Variants in SPMIP7 observed in about 807,000 individuals in gnomAD.
The protein encoded by SPMIP7 is protein SPMIP7.
the SPMIP7 span, chr7:50,096,576 A>G: frequency 6.4e-7 from 1 of 1,551,986 alleles, no homozygotes; most frequent in South Asian, 1.2e-5. Flanking sequence ...GAAGAACTGC[A>G]ACAGAACAGG....
At chr7:50,100,171 G>A in the SPMIP7 span, among the ~76,000 whole-genome samples, 1 of 152,258 alleles carries the variant, frequency 6.6e-6, no homozygotes, top group African/African-American at 2.4e-5. Context: ...CAGTCCTCTG[G>A]GGAGCTCCCT....
At chr7:50,123,878 T>C in the SPMIP7 span, among the ~76,000 whole-genome samples, 1 of 152,054 alleles carries the variant, frequency 6.6e-6, no homozygotes, top group Non-Finnish European at 1.5e-5. Context: ...TTAATCCAAA[T>C]ATATCATAAT....
At chr7:50,134,145 C>T in the SPMIP7 span, 3 of 1,550,388 alleles carry the variant, frequency 1.9e-6, no homozygotes, top group Non-Finnish European at 1.7e-6. Context: ...GATGCTACCA[C>T]CAAAACTTGT....
At chr7:50,149,331 T>C in the SPMIP7 span, among the ~76,000 whole-genome samples, 1 of 152,266 alleles carries the variant, frequency 6.6e-6, no homozygotes, top group African/African-American at 2.4e-5. Flanking sequence ...TTTAAATTAC[T>C]GTATTTCAAC....
chr7:50,154,140 C>A, the SPMIP7 span, among the ~76,000 whole-genome samples: 1 of 152,082 alleles, frequency 6.6e-6, no homozygotes, highest in African/African-American at 2.4e-5. Context: ...ATCCTAACAA[C>A]ATGATATTAT....
the SPMIP7 span, among the ~76,000 whole-genome samples, chr7:50,136,873 A>G: frequency 3.3e-5 from 5 of 152,176 alleles, no homozygotes; most frequent in Non-Finnish European, 7.4e-5. Flanking sequence ...ATTTTTGAAT[A>G]TTTTATGTAC....
chr7:50,145,783 C>T, the SPMIP7 span, among the ~76,000 whole-genome samples: 1 of 150,618 alleles, frequency 6.6e-6, no homozygotes, highest in Non-Finnish European at 1.5e-5. Context: ...AGCAGCACAG[C>T]CCATGCCTTC....
chr7:50,122,852 C>G, the SPMIP7 span, among the ~76,000 whole-genome samples: 1 of 152,164 alleles, frequency 6.6e-6, no homozygotes, highest in Admixed American at 6.5e-5. Context: ...AAATGCAAAT[C>G]AAAACCACAA....
At chr7:50,096,630 G>T in the SPMIP7 span, 1 of 1,536,344 alleles carries the variant, frequency 6.5e-7, no homozygotes, top group Non-Finnish European at 8.8e-7. Context: ...ATCAGAGCAA[G>T]ACTTGGAGGT....
chr7:50,137,926 A>G, the SPMIP7 span, among the ~76,000 whole-genome samples: 1 of 152,136 alleles, frequency 6.6e-6, no homozygotes, highest in African/African-American at 2.4e-5. Context: ...GAATCAAAGT[A>G]TCCCCTTCTA....
the SPMIP7 span, chr7:50,141,971 G>T: frequency 6.6e-6 from 1 of 152,090 alleles, no homozygotes; most frequent in South Asian, 2.1e-4. Flanking sequence ...CCTGTGATCC[G>T]CCCGCCTCGG....
At chr7:50,151,178 T>C in the SPMIP7 span, among the ~76,000 whole-genome samples, 1 of 152,164 alleles carries the variant, frequency 6.6e-6, no homozygotes, top group Admixed American at 6.5e-5. Flanking sequence ...GTAAAAGACA[T>C]GGAAATTTAA....
chr7:50,125,113 T>TAC, the SPMIP7 span, among the ~76,000 whole-genome samples: 6 of 29,280 alleles, frequency 2.0e-4, 1 homozygote, highest in African/African-American at 2.4e-4. Flanking sequence ...TATATATATA[T>TAC]ATACACACAC....
At chr7:50,154,729 T>TTTCATTC in the SPMIP7 span, among the ~76,000 whole-genome samples, 1 of 152,360 alleles carries the variant, frequency 6.6e-6, no homozygotes, top group South Asian at 2.1e-4. Context: ...TTTGAGTGTA[T>TTTCATTC]CTCCAGAGAA....
the SPMIP7 span, among the ~76,000 whole-genome samples, chr7:50,145,467 A>G: frequency 6.7e-6 from 1 of 149,736 alleles, no homozygotes; most frequent in Non-Finnish European, 1.5e-5. Context: ...AATCATCTGT[A>G]ATGGCAGATC....
At chr7:50,140,195 C>A in the SPMIP7 span, 4 of 1,462,376 alleles carry the variant, frequency 2.7e-6, no homozygotes, top group South Asian at 4.1e-5. Flanking sequence ...AGTAATGTTT[C>A]TCAGTCTTGT....
the SPMIP7 span, among the ~76,000 whole-genome samples, chr7:50,118,456 G>T: frequency 6.6e-6 from 1 of 152,202 alleles, no homozygotes; most frequent in African/African-American, 2.4e-5. Flanking sequence ...TTCAGGTGGT[G>T]TATTTTCACT....
chr7:50,115,274 T>G, the SPMIP7 span, among the ~76,000 whole-genome samples: 1 of 152,146 alleles, frequency 6.6e-6, no homozygotes, highest in African/African-American at 2.4e-5. Context: ...AAAATGTATT[T>G]AAAATGTATA....
the SPMIP7 span, among the ~76,000 whole-genome samples, chr7:50,124,944 C>A: frequency 3.2e-4 from 49 of 151,510 alleles, 1 homozygote; most frequent in African/African-American, 1.2e-3. Context: ...ACTAAAAACA[C>A]AAAAATTAGC....
Sources: gnomAD v4.1 joint callset for allele counts (sites outside exome capture counted in the v4.1 genomes callset) on GRCh38, gnomAD v4.1.1 for gene constraint, MANE v1.5 for transcripts, NCBI Gene and HGNC (gene_info 2026-07-23, HGNC 2026-07-21) for gene names.